NOCT: variants seen among roughly 807,000 people sequenced by gnomAD.
The protein encoded by NOCT is nocturnin.
A neutral mutation model predicts 35.0 loss-of-function variants in NOCT; 18 were observed. The observed-to-expected ratio is 0.51, with a 90% CI of 0.36 to 0.76. The LOEUF (loss-of-function observed/expected upper bound fraction) is 0.76, where lower values mean the gene tolerates loss of function less well. Ranked by LOEUF, NOCT falls within the 30% of genes least tolerant of loss-of-function variation. The pLI, the probability that NOCT is intolerant of heterozygous loss-of-function variation, is 0.01. For missense variants in NOCT, 479 were observed against 541.0 expected, an observed-to-expected ratio of 0.89 and a Z score of 1.14; for synonymous variants, 235 against 226.3, an observed-to-expected ratio of 1.04 and a Z score of -0.34.
At chr4:139,017,364 A>AT (rs1726332180) in intron 1 of NOCT, among the ~76,000 whole-genome samples, 1 of 149,736 alleles carries the variant, frequency 6.7e-6, no homozygotes, top group Non-Finnish European at 1.5e-5. Context: ...AGAAGCTGGG[A>AT]TTACAGGCAT....
At chr4:139,032,369 ATGG>A (rs1726642316) in intron 1 of NOCT, among the ~76,000 whole-genome samples, 1 of 152,206 alleles carries the variant, frequency 6.6e-6, no homozygotes, top group Non-Finnish European at 1.5e-5. Flanking sequence ...ATTGAGAGTT[ATGG>A]CTGGCCCATT....
chr4:139,015,790 C>A lies in NOCT; in HGVS notation c.-192C>A, dbSNP rs553565261. 2.6e-6 allele frequency: 1 copy of A among 384,706 alleles called. No homozygotes were observed. The highest frequency in any genetic ancestry group is 4.4e-6 in the Non-Finnish European group (1 of 227,670). 23.8% of individuals were successfully genotyped at this position (384,706 alleles called of 1,614,324 possible). A position where few individuals can be genotyped will look rare whatever the true frequency, so the allele number is the denominator to read the frequency against. On this transcript the variant is annotated 5_prime_UTR_variant, in exon 1 of 3. Coordinates refer to ENST00000280614, the MANE Select transcript of NOCT (RefSeq NM_012118.4). ...CGCCAGGTCTCACAGCAGACGGTGC[C>A]GACGCAGCGGTGTTGCACCTCCCTC...
chr4:139,024,623 G>A (rs943998960), intron 1 of NOCT, among the ~76,000 whole-genome samples: 10 of 151,494 alleles, frequency 6.6e-5, no homozygotes, highest in South Asian at 2.1e-4. Context: ...ATGGGGTCTC[G>A]CTCTGTCACT....
At chr4:139,040,080 GC>G (rs1286735214) in intron 1 of NOCT, among the ~76,000 whole-genome samples, 1 of 126,390 alleles carries the variant, frequency 7.9e-6, no homozygotes, top group African/African-American at 3.1e-5. Flanking sequence ...TCGGTCTGTC[GC>G]CCAGGCTGGA....
At chr4:139,037,884 C>G (rs1159171249) in intron 1 of NOCT, among the ~76,000 whole-genome samples, 1 of 147,018 alleles carries the variant, frequency 6.8e-6, no homozygotes, top group African/African-American at 2.5e-5. Flanking sequence ...GAGGCCCTTA[C>G]AAAAAACAGG....
rs565729323 is a variant in NOCT, at chr4:139,036,152, C to T, written c.191-6922C>T. On this transcript the variant is annotated intron_variant, in intron 1 of 2. Coordinates refer to ENST00000280614, the MANE Select transcript of NOCT (RefSeq NM_012118.4). ...GTTTGTCTCTCCCCACTAGAAAGAA[C>T]AGAAGCTCCATGAGGGCAGATACTC... Among the ~76,000 whole-genome samples the T allele has an allele frequency of 3.9e-5, 6 of 152,260 alleles. No individual in the cohort carries two copies. In the East Asian group the frequency reaches 9.6e-4, roughly 24 times the overall value.
Position 139,025,662 on chromosome 4 carries a change from G to A in NOCT, c.190+9491G>A, listed in dbSNP as rs538289442. Among the ~76,000 whole-genome samples, 9 of 152,250 alleles carry A rather than the reference G, an allele frequency of 5.9e-5. No homozygotes were observed. In the South Asian group the frequency reaches 6.2e-4, roughly 11 times the overall value. On this transcript the variant is annotated intron_variant, in intron 1 of 2. Coordinates refer to ENST00000280614, the MANE Select transcript of NOCT (RefSeq NM_012118.4). ...CTAAAAATACAAAAATTAGCCATGC[G>A]TGGTGGCGGGTGCCTGTAATCCCAT... is the stretch of plus-strand genomic sequence containing the variant.
chr4:139,037,123 A>G (rs1366847608), intron 1 of NOCT, among the ~76,000 whole-genome samples: 2 of 152,238 alleles, frequency 1.3e-5, no homozygotes, highest in African/African-American at 2.4e-5. Flanking sequence ...GTGTTGCACC[A>G]GTCCACCTTG....
chr4:139,039,370 ATT>A (rs11353325), intron 1 of NOCT, among the ~76,000 whole-genome samples: 10 of 150,834 alleles, frequency 6.6e-5, no homozygotes, highest in Admixed American at 6.6e-5. Flanking sequence ...TGACAATCTG[ATT>A]TTTTTTTTTA....
In NOCT at chr4:139,015,924, C is replaced by A. The variant is rs546696846; in HGVS notation, c.-58C>A. On this transcript the variant is annotated 5_prime_UTR_variant, in exon 1 of 3. Transcript: ENST00000280614. ...GTCGGCTCGACTCGGTGCCCTCGGC[C>A]CCAGCCGGGCTCCGCTCCTCGGGCG... 6.9e-5 allele frequency: 88 copies of A among 1,267,212 alleles called. 1 individual carries two copies. The East Asian group carries it at 2.6e-3, about 37-fold the overall frequency. 78.5% of individuals were successfully genotyped at this position (1,267,212 alleles called of 1,614,324 possible).
At chr4:139,029,918 A>C (rs1037787599) in intron 1 of NOCT, among the ~76,000 whole-genome samples, 1 of 152,146 alleles carries the variant, frequency 6.6e-6, no homozygotes, top group Non-Finnish European at 1.5e-5. Context: ...TTTTGAGACA[A>C]TCTTGCTCTG....
At chr4:139,020,687 T>C (rs1340630362) in intron 1 of NOCT, among the ~76,000 whole-genome samples, 1 of 152,104 alleles carries the variant, frequency 6.6e-6, no homozygotes, top group African/African-American at 2.4e-5. Context: ...AGGGAGTATT[T>C]ATGAGCTCTG....
rs1196482795 is a variant in NOCT at position 139,045,182 on chromosome 4, A to C, written c.1004A>C (p.Lys335Thr). 9 of 1,614,048 alleles carry C rather than the reference A, an allele frequency of 5.6e-6. No individual in the cohort carries two copies. Among genetic ancestry groups the C allele is most frequent in the Non-Finnish European group, 7.6e-6 (9 of 1,180,022 alleles). The change falls in exon 3 of 3, where the codon AAA (lysine) becomes ACA (threonine). Residue 335 changes from lysine to threonine, a missense_variant. Transcript: ENST00000280614. ...GCAGAGCCAACAGAAGAGGTCTACAAACACTTTGCTTCCTCCAGCCTCAAC... is the reference window on the plus strand; with the variant it reads ...GCAGAGCCAACAGAAGAGGTCTACACACACTTTGCTTCCTCCAGCCTCAAC... ...FNAEPTEEVYKHFASSSLNLN... is the reference protein window; with the variant it reads ...FNAEPTEEVYTHFASSSLNLN...
chr4:139,023,009 G>T (rs1315006135), intron 1 of NOCT, among the ~76,000 whole-genome samples: 1 of 152,024 alleles, frequency 6.6e-6, no homozygotes, highest in Non-Finnish European at 1.5e-5. Flanking sequence ...GCTGAGGCAG[G>T]AGAATTGCTT....
At chr4:139,028,012 G>A (rs1726556277) in intron 1 of NOCT, 1 of 152,186 alleles carries the variant, frequency 6.6e-6, no homozygotes, top group Non-Finnish European at 1.5e-5. Flanking sequence ...TCAGCAGAAG[G>A]CGCCTTATAG....
Position 139,044,876 on chromosome 4 carries a change from CA to C in NOCT, c.699del (p.Asp234MetfsTer14). On this transcript the variant is annotated frameshift_variant, in exon 3 of 3. Transcript: ENST00000280614. LOFTEE classifies it high-confidence loss of function. The stretch of plus-strand genomic sequence containing the variant: ...CTAGATGTAGAACACAACAATGGAC[CA>C]GATGGTTGTGCCTTATTTTTTCTTC... ...PCLDVEHNNG[P>X]DGCALFFLQN... 1 of 1,614,018 alleles carries C rather than the reference CA, an allele frequency of 6.2e-7. No homozygotes were observed. Among genetic ancestry groups the C allele is most frequent in the Non-Finnish European group, 8.5e-7 (1 of 1,179,932 alleles).
At chr4:139,034,918 A>C (rs1726702153) in intron 1 of NOCT, among the ~76,000 whole-genome samples, 1 of 152,058 alleles carries the variant, frequency 6.6e-6, no homozygotes, top group East Asian at 1.9e-4. Flanking sequence ...GATTTCCCAG[A>C]TCTCAATCTT....
chr4:139,016,115 G>A lies in NOCT; in HGVS notation c.134G>A (p.Arg45Gln). The A allele has an allele frequency of 7.6e-7, 1 of 1,309,858 alleles. No homozygotes were observed. Among genetic ancestry groups the A allele is most frequent in the Non-Finnish European group, 9.7e-7 (1 of 1,029,222 alleles). 81.1% of individuals were successfully genotyped at this position (1,309,858 alleles called of 1,614,324 possible). The stretch of plus-strand genomic sequence containing the variant: ...GCTGTTCCCAGGCCCGCATCCCCCC[G>A]GCTGCTGGCGGCGGCCTCGGCGGCC... ...PAAVPRPASPRLLAAASAASG... is the reference protein window; with the variant it reads ...PAAVPRPASPQLLAAASAASG... The change falls in exon 1 of 3, where the codon CGG becomes CAG. Residue 45 changes from arginine to glutamine, a missense_variant. Coordinates refer to ENST00000280614, the MANE Select transcript of NOCT (RefSeq NM_012118.4).
Position 139,045,019 on chromosome 4 carries a change from T to G in NOCT, c.841T>G (p.Cys281Gly), listed in dbSNP as rs1283022206. 1 of 1,614,110 alleles carries G rather than the reference T, an allele frequency of 6.2e-7. No homozygotes were observed. The highest frequency in any genetic ancestry group is 8.5e-7 in the Non-Finnish European group (1 of 1,180,042). Residue 281 changes from cysteine to glycine, a missense_variant, in exon 3 of 3, where the codon TGC (cysteine) becomes GGC (glycine). Cys to Gly is a radical substitution (Grantham distance 159). Around this residue, in one of 2 missense-constraint regions of NOCT, gnomAD observed 214 missense variants for 284.0 expected, o/e 0.75. Coordinates refer to ENST00000280614, the MANE Select transcript of NOCT (RefSeq NM_012118.4). ...GTGCAAGGAGTCAGGCCGACAGTTCTGCATCGCTGTTACCCATCTAAAAGC... is the reference window on the plus strand; with the variant it reads ...GTGCAAGGAGTCAGGCCGACAGTTCGGCATCGCTGTTACCCATCTAAAAGC... ...LECKESGRQF[C>G]IAVTHLKART...
Sources: gnomAD v4.1 joint callset for allele counts (sites outside exome capture counted in the v4.1 genomes callset) on GRCh38, gnomAD v4.1.1 for gene constraint, gnomAD v4.1.1 regional missense constraint, MANE v1.5 for transcripts, NCBI Gene and HGNC (gene_info 2026-07-23, HGNC 2026-07-21) for gene names.